KIF6: variants seen among roughly 807,000 people sequenced by gnomAD.
KIF6 encodes the protein kinesin family member 6, also known as kinesin-like protein KIF6.
A neutral mutation model predicts 112.7 loss-of-function variants in KIF6; 106 were observed. The ratio of observed to expected loss-of-function variants is 0.94; its 90% CI spans 0.80 to 1.11. KIF6 has a LOEUF of 1.11. KIF6 is among the 50% of genes least tolerant of loss of function. The pLI is 0.00. For missense variants in KIF6, 929 were observed against 964.0 expected, an observed-to-expected ratio of 0.96 and a Z score of 0.48; for synonymous variants, 339 against 339.9, an observed-to-expected ratio of 1.00 and a Z score of 0.03.
At chr6:39,405,134 C>T (rs188592707) in intron 15 of KIF6, among the ~76,000 whole-genome samples, 48 of 152,178 alleles carry the variant, frequency 3.2e-4, no homozygotes, top group African/African-American at 1.1e-3. Flanking sequence ...TTGAAATTAT[C>T]TAAGTAGACA....
At chr6:39,413,045 CATT>C (rs1449763998) in intron 15 of KIF6, among the ~76,000 whole-genome samples, 2 of 151,968 alleles carry the variant, frequency 1.3e-5, no homozygotes, top group African/African-American at 2.4e-5. Flanking sequence ...CCATTTTTAT[CATT>C]ATTTTTAATA....
intron 14 of KIF6, among the ~76,000 whole-genome samples, chr6:39,422,698 G>C (rs1002471142): frequency 6.6e-6 from 1 of 152,164 alleles, no homozygotes; most frequent in Admixed American, 6.5e-5. Context: ...GACCCCATCA[G>C]TGCTGCCACG....
chr6:39,438,895 T>C (rs1771735552), intron 13 of KIF6, among the ~76,000 whole-genome samples: 2 of 152,260 alleles, frequency 1.3e-5, no homozygotes, highest in African/African-American at 4.8e-5. Context: ...ACTGCATTGT[T>C]ACTGTACTAT....
At position 39,632,345 on chromosome 6, in the gene KIF6, A is replaced by G. The variant is rs1345163782; in HGVS notation, c.509+2504T>C. 2.0e-5 allele frequency among the ~76,000 whole-genome samples: 3 copies of G among 152,156 alleles called. No homozygotes were observed. The South Asian group carries it at 6.2e-4, about 32-fold the overall frequency. On this transcript the variant is annotated intron_variant, in intron 5 of 22. Coordinates refer to ENST00000287152, the MANE Select transcript of KIF6 (RefSeq NM_145027.6). ...ATTTTATATAGTTAAGCCTTGTATA[A>G]GAATGCAAAAGAGATAAAATGGGTA...
intron 13 of KIF6, among the ~76,000 whole-genome samples, chr6:39,511,685 A>T (rs897259924): frequency 3.3e-5 from 5 of 152,242 alleles, no homozygotes; most frequent in African/African-American, 1.2e-4. Context: ...AAGACTTGGA[A>T]CCAACCCAAA....
chr6:39,585,868 A>G (rs1159304053), intron 8 of KIF6, among the ~76,000 whole-genome samples: 1 of 152,170 alleles, frequency 6.6e-6, no homozygotes, highest in Non-Finnish European at 1.5e-5. Flanking sequence ...ACTCAGCAAC[A>G]TTTCTAGGGA....
At chr6:39,402,752 T>A (rs1413999231) in intron 15 of KIF6, among the ~76,000 whole-genome samples, 1 of 152,190 alleles carries the variant, frequency 6.6e-6, no homozygotes, top group Non-Finnish European at 1.5e-5. Context: ...TCCTATCTTC[T>A]CAACCACCTT....
chr6:39,534,557 C>A (rs951705933), intron 13 of KIF6, among the ~76,000 whole-genome samples: 1 of 152,104 alleles, frequency 6.6e-6, no homozygotes, highest in Non-Finnish European at 1.5e-5. Context: ...AAATATGGGA[C>A]TATGTGAAAA....
At chr6:39,380,820 T>A (rs1766871378) in intron 16 of KIF6, among the ~76,000 whole-genome samples, 1 of 152,212 alleles carries the variant, frequency 6.6e-6, no homozygotes, top group Non-Finnish European at 1.5e-5. Context: ...ACAGATCACT[T>A]CAAAAGCACA....
At chr6:39,593,754 C>A (rs1381822811) in intron 7 of KIF6, among the ~76,000 whole-genome samples, 1 of 152,206 alleles carries the variant, frequency 6.6e-6, no homozygotes, top group Non-Finnish European at 1.5e-5. Context: ...TCTGCCCCAT[C>A]CTTGATTGGC....
chr6:39,456,581 G>A (rs1437637537), intron 13 of KIF6, among the ~76,000 whole-genome samples: 1 of 121,210 alleles, frequency 8.3e-6, no homozygotes, highest in East Asian at 2.3e-4. Flanking sequence ...CTGGCAAGTT[G>A]GATAAAGAGT....
intron 16 of KIF6, 134 bp downstream of exon 16, chr6:39,385,488 G>T: frequency 1.4e-6 from 1 of 720,632 alleles, no homozygotes; most frequent in Non-Finnish European, 2.5e-6. Flanking sequence ...AAAGCTGTGT[G>T]GATAGCAACC....
chr6:39,353,260 C>G (rs576142249), intron 19 of KIF6, among the ~76,000 whole-genome samples: 1 of 152,092 alleles, frequency 6.6e-6, no homozygotes, highest in Non-Finnish European at 1.5e-5. Flanking sequence ...TTTATTTTAG[C>G]CATTCTAATA....
At chr6:39,533,202 G>C (rs961019455) in intron 13 of KIF6, among the ~76,000 whole-genome samples, 14 of 152,340 alleles carry the variant, frequency 9.2e-5, no homozygotes, top group African/African-American at 2.9e-4. Context: ...CCGAAGCAGG[G>C]CAAGGCATTG....
At chr6:39,419,835 C>T in intron 15 of KIF6, 113 bp downstream of exon 15, 1 of 887,910 alleles carries the variant, frequency 1.1e-6, no homozygotes, top group South Asian at 1.3e-5. Flanking sequence ...TTGGCAGGGG[C>T]TCTCCTGAAA....
intron 15 of KIF6, among the ~76,000 whole-genome samples, chr6:39,391,661 A>C (rs1231650232): frequency 6.6e-6 from 1 of 152,246 alleles, no homozygotes; most frequent in Non-Finnish European, 1.5e-5. Context: ...TTTCGTTAAA[A>C]ATGGGCCTGC....
At chr6:39,477,024 G>C (rs965798446) in intron 13 of KIF6, among the ~76,000 whole-genome samples, 3 of 152,114 alleles carry the variant, frequency 2.0e-5, no homozygotes, top group Admixed American at 1.3e-4. Context: ...GAGGCATTTG[G>C]GAAGGCTCTG....
intron 13 of KIF6, among the ~76,000 whole-genome samples, chr6:39,490,382 T>C (rs538503363): frequency 6.6e-6 from 1 of 152,294 alleles, no homozygotes; most frequent in Non-Finnish European, 1.5e-5. Context: ...TAACACATCT[T>C]TATTGGTGAG....
At chr6:39,549,594 A>G (rs1779259779) in intron 10 of KIF6, among the ~76,000 whole-genome samples, 1 of 152,242 alleles carries the variant, frequency 6.6e-6, no homozygotes, top group Non-Finnish European at 1.5e-5. Flanking sequence ...ATGTATTTCT[A>G]AAAGGGAGAA....
Sources: allele counts gnomAD v4.1 joint callset (sites outside exome capture counted in the v4.1 genomes callset), GRCh38; gene constraint gnomAD v4.1.1; transcripts MANE v1.5; gene names NCBI Gene and HGNC (gene_info 2026-07-23, HGNC 2026-07-21).